Variants in NCOR2 observed in about 807,000 individuals in gnomAD.
NCOR2 encodes CTG repeat protein 26.
NCOR2 carries 81 observed loss-of-function variants against 262.9 expected under a neutral mutation model. The observed-to-expected ratio is 0.31, with a 90% CI of 0.26 to 0.37. The LOEUF (loss-of-function observed/expected upper bound fraction) is 0.37, where lower values mean the gene tolerates loss of function less well. Among genes scored for constraint, NCOR2 ranks in the 10% least tolerant of loss-of-function variants. The probability of loss-of-function intolerance (pLI) is 1.00; values close to 1 mark genes in which losing one functional copy is unlikely to be tolerated. For synonymous variants in NCOR2, 1,659 were observed against 1,559.3 expected, an observed-to-expected ratio of 1.06 and a Z score of -1.51; for missense variants, 3,385 against 3,621.4, an observed-to-expected ratio of 0.93 and a Z score of 1.68.
In NCOR2 at chr12:124,443,651, T is replaced by C. The variant is rs113016174; in HGVS notation, c.816-5655A>G. ...CCAAGTAACTGGGGCTATAGGCACG[T>C]GCCACTACGCCCAGCTAATTTTCGT... On this transcript the variant is annotated intron_variant, in intron 7 of 46. Transcript: ENST00000405201. This position sits in a 1 kb window ranked among gnomAD's most constrained non-coding sequence, Gnocchi z 4.4. 8.3e-3 allele frequency among the ~76,000 whole-genome samples: 1,260 copies of C among 152,150 alleles called. 10 individuals are homozygous for C. Among genetic ancestry groups the C allele is most frequent in the Middle Eastern group, 0.024 (7 of 294 alleles).
At chr12:124,446,506 C>A (rs2045181745) in intron 7 of NCOR2, among the ~76,000 whole-genome samples, 1 of 152,110 alleles carries the variant, frequency 6.6e-6, no homozygotes, top group Non-Finnish European at 1.5e-5. Context: ...TCTCTGTGAC[C>A]CCTGCCAGCT....
At chr12:124,412,443 G>A (rs1393618593) in intron 13 of NCOR2, among the ~76,000 whole-genome samples, 1 of 152,248 alleles carries the variant, frequency 6.6e-6, no homozygotes, top group Non-Finnish European at 1.5e-5. Context: ...ACATGCAGAT[G>A]CACAGGCTGC....
Position 124,531,159 on chromosome 12 carries a change from G to A in NCOR2, c.-118+4406C>T, listed in dbSNP as rs189777279. ...TGAGAGGTCATTTCAGGAGAAGGACGTCTGGGAGGCATCCACCAACTCATG... is the reference window on the plus strand; with the variant it reads ...TGAGAGGTCATTTCAGGAGAAGGACATCTGGGAGGCATCCACCAACTCATG... On this transcript the variant is annotated intron_variant, in intron 1 of 46. Transcript: ENST00000404621. This position sits in a 1 kb window ranked among gnomAD's most constrained non-coding sequence, Gnocchi z 4.5. 2.6e-5 allele frequency among the ~76,000 whole-genome samples: 4 copies of A among 152,306 alleles called. No homozygotes were observed. In the East Asian group the frequency reaches 5.8e-4, roughly 22 times the overall value.
exon 27 of NCOR2, chr12:124,354,117 G>T (rs1179226264): frequency 3.1e-6 from 5 of 1,610,426 alleles, no homozygotes; most frequent in Non-Finnish European, 4.2e-6. Context: ...CGCGGTATGT[G>T]ATGGCGCTGT....
chr12:124,515,152 T>C (rs1167611188), intron 1 of NCOR2, among the ~76,000 whole-genome samples: 2 of 152,156 alleles, frequency 1.3e-5, no homozygotes. Flanking sequence ...CCCCCTGGGA[T>C]GTCCAAGGGA....
At chr12:124,355,636 TCC>T in intron 23 of NCOR2, 65 bp from the exon 26 acceptor site, 2 of 1,479,468 alleles carry the variant, frequency 1.4e-6, no homozygotes, top group Non-Finnish European at 8.9e-7. Context: ...GGACACACAC[TCC>T]AGGCTGCACT....
chr12:124,333,863 T>TGG (rs1555299198), intron 41 of NCOR2, among the ~76,000 whole-genome samples: 4 of 124,560 alleles, frequency 3.2e-5, no homozygotes, highest in African/African-American at 1.2e-4. Flanking sequence ...TGCATGTGTG[T>TGG]GTGCGCATGT....
At chr12:124,470,704 G>T (rs2136684254) in intron 4 of NCOR2, among the ~76,000 whole-genome samples, 1 of 152,346 alleles carries the variant, frequency 6.6e-6, no homozygotes, top group Middle Eastern at 3.4e-3. Flanking sequence ...CTTCCCTGTG[G>T]GTTGTTGAAA....
chr12:124,555,627 C>G (rs1461837736), intron 1 of NCOR2, among the ~76,000 whole-genome samples: 1 of 152,190 alleles, frequency 6.6e-6, no homozygotes, highest in Non-Finnish European at 1.5e-5. Flanking sequence ...CCCACCATTC[C>G]CAGAGTTCAC....
At chr12:124,439,536 C>CAGAGAGGGAAACAGGGACCCAG in intron 7 of NCOR2, among the ~76,000 whole-genome samples, 1 of 146,348 alleles carries the variant, frequency 6.8e-6, no homozygotes, top group African/African-American at 2.6e-5. Flanking sequence ...GACAGAGACC[C>CAGAGAGGGAAACAGGGACCCAG]AGAGAGGGAA....
At chr12:124,422,698 G>T (rs1001163840) in intron 11 of NCOR2, 143 bp from the exon 14 acceptor site, 9 of 851,462 alleles carry the variant, frequency 1.1e-5, no homozygotes, top group African/African-American at 1.0e-4. Flanking sequence ...GCCCAGGGGG[G>T]TGTGGGAAGG....
exon 36 of NCOR2, chr12:124,340,421 T>C: frequency 6.2e-7 from 1 of 1,612,762 alleles, no homozygotes; most frequent in Non-Finnish European, 8.5e-7. Flanking sequence ...TGGTGGTTGG[T>C]TTTGTCAAGT....
chr12:124,397,232 G>T (rs1004040295), intron 16 of NCOR2, among the ~76,000 whole-genome samples: 1 of 152,220 alleles, frequency 6.6e-6, no homozygotes, highest in Non-Finnish European at 1.5e-5. Flanking sequence ...CCTGCCCCAG[G>T]CCAGGCACGG....
intron 1 of NCOR2, among the ~76,000 whole-genome samples, chr12:124,545,800 TG>T (rs1486130159): frequency 8.8e-6 from 1 of 113,192 alleles, no homozygotes; most frequent in East Asian, 2.4e-4. Flanking sequence ...AGGGTGAGGG[TG>T]GGGGTGGGGG....
chr12:124,328,353 G>T (rs945110724), intron 44 of NCOR2, among the ~76,000 whole-genome samples: 1 of 152,162 alleles, frequency 6.6e-6, no homozygotes, highest in South Asian at 2.1e-4. Context: ...TGCGTGCAGG[G>T]GACAGGGCAG....
chr12:124,560,607 A>C (rs1350847363), intron 1 of NCOR2, among the ~76,000 whole-genome samples: 1 of 152,226 alleles, frequency 6.6e-6, no homozygotes, highest in Non-Finnish European at 1.5e-5. Flanking sequence ...TCAAACCTGA[A>C]TATATGGCGT....
chr12:124,335,938 C>G, intron 38 of NCOR2: 1 of 368,788 alleles, frequency 2.7e-6, no homozygotes, highest in East Asian at 4.4e-5. Context: ...GCGAGGCCAG[C>G]GTGAGATGGG....
chr12:124,405,130 T>C (rs74928912), intron 13 of NCOR2, among the ~76,000 whole-genome samples: 3,388 of 152,076 alleles, frequency 0.022, 112 homozygotes, highest in African/African-American at 0.066. Context: ...CTCCAGACTC[T>C]ACAAGCCCCG....
chr12:124,398,155 G>A (rs2041796441), exon 16 of NCOR2: 5 of 1,614,102 alleles, frequency 3.1e-6, no homozygotes, highest in Non-Finnish European at 3.4e-6. Context: ...TCTGTCCAGC[G>A]AGAACTCTCA....
Sources: gnomAD v4.1 joint callset for allele counts (sites outside exome capture counted in the v4.1 genomes callset) on GRCh38, gnomAD v4.1.1 for gene constraint, Gnocchi (gnomAD v3.1) non-coding constraint, MANE v1.5 for transcripts, NCBI Gene and HGNC (gene_info 2026-07-23, HGNC 2026-07-21) for gene names.